IQCM: variants seen among roughly 807,000 people sequenced by gnomAD.
IQCM encodes the protein IQ domain-containing protein M.
A neutral mutation model predicts 57.6 loss-of-function variants in IQCM; 45 were observed. That is an observed-to-expected ratio of 0.78 (90% CI 0.62 to 1.00). The LOEUF is 1.00. IQCM is among the 50% of genes least tolerant of loss of function. The pLI, the probability that IQCM is intolerant of heterozygous loss-of-function variation, is 0.00. For synonymous variants in IQCM, 148 were observed against 158.9 expected (o/e 0.93, Z 0.51); for missense variants, 468 against 511.6 (o/e 0.91, Z 0.82).
rs183792183 is a variant in IQCM at position 149,777,050 on chromosome 4, A to G, written c.-48-34311T>C. Among the ~76,000 whole-genome samples the G allele has an allele frequency of 3.8e-3, 583 of 152,260 alleles. 1 individual carries two copies. Among genetic ancestry groups the G allele is most frequent in the Non-Finnish European group, 6.9e-3 (469 of 68,018 alleles). On this transcript the variant is annotated intron_variant, in intron 2 of 13. Coordinates refer to ENST00000636793, the MANE Select transcript of IQCM (RefSeq NM_001363507.2). ...GTTTTTATGTTCTTGAACAGAGTAT[A>G]TAACATCCCACCTCTAAAGTACCTG...
intron 2 of IQCM, among the ~76,000 whole-genome samples, chr4:149,774,627 T>A (rs951143666): frequency 1.3e-5 from 2 of 152,102 alleles, no homozygotes; most frequent in Non-Finnish European, 2.9e-5. Flanking sequence ...AGCCTCTGCA[T>A]ATATACCTGG....
At chr4:149,396,956 A>G (rs1249758942) in intron 13 of IQCM, among the ~76,000 whole-genome samples, 1 of 151,970 alleles carries the variant, frequency 6.6e-6, no homozygotes, top group Admixed American at 6.6e-5. Context: ...GTTGATGGAC[A>G]TTTAGGTTGT....
chr4:149,560,711 A>G (rs1750039224), intron 10 of IQCM, among the ~76,000 whole-genome samples: 1 of 152,214 alleles, frequency 6.6e-6, no homozygotes, highest in Non-Finnish European at 1.5e-5. Context: ...CACTATTTCC[A>G]AAGAATTTCA....
At chr4:149,583,620 T>G (rs1020133378) in intron 9 of IQCM, among the ~76,000 whole-genome samples, 1 of 151,616 alleles carries the variant, frequency 6.6e-6, no homozygotes, top group East Asian at 1.9e-4. Context: ...TGGAATGCAA[T>G]AGGTTATCTT....
intron 9 of IQCM, among the ~76,000 whole-genome samples, chr4:149,578,078 GA>G (rs1450699558): frequency 6.6e-6 from 1 of 151,740 alleles, no homozygotes; most frequent in Non-Finnish European, 1.5e-5. Context: ...TTTGTATCCT[GA>G]AACTTTGCTG....
chr4:149,551,890 TC>T (rs397995767), intron 11 of IQCM, among the ~76,000 whole-genome samples: 4 of 145,010 alleles, frequency 2.8e-5, no homozygotes, highest in Non-Finnish European at 6.1e-5. Flanking sequence ...TCTCTCTCTC[TC>T]TCTTCTCGTT....
intron 13 of IQCM, among the ~76,000 whole-genome samples, chr4:149,413,405 G>A (rs1733520523): frequency 6.6e-6 from 1 of 152,172 alleles, no homozygotes; most frequent in Admixed American, 6.6e-5. Flanking sequence ...TAAACCTGTA[G>A]CGGGGAGCAG....
At chr4:149,413,972 AT>A (rs1398595165) in intron 13 of IQCM, among the ~76,000 whole-genome samples, 1 of 152,220 alleles carries the variant, frequency 6.6e-6, no homozygotes, top group Non-Finnish European at 1.5e-5. Context: ...CAGTGAAGCC[AT>A]AACAAAGAAT....
In IQCM at chr4:149,592,832, C is replaced by G. The variant is rs1289071916; in HGVS notation, c.682-4835G>C. On this transcript the variant is annotated intron_variant, in intron 8 of 13. Transcript: ENST00000636793. ...TTGGTCTATATCTCTGTTTTGGTACCAGTACCATGCTGTTTTGGTTACTGT... is the reference window on the plus strand; with the variant it reads ...TTGGTCTATATCTCTGTTTTGGTACGAGTACCATGCTGTTTTGGTTACTGT... Among the ~76,000 whole-genome samples the G allele has an allele frequency of 2.6e-5, 4 of 152,154 alleles. No individual in the cohort carries two copies. In the South Asian group the frequency reaches 8.3e-4, roughly 32 times the overall value.
chr4:149,628,087 G>A (rs1756964403), intron 7 of IQCM, among the ~76,000 whole-genome samples: 1 of 152,094 alleles, frequency 6.6e-6, no homozygotes, highest in Admixed American at 6.6e-5. Context: ...ACAAATATAA[G>A]AAAAAATTGG....
chr4:149,604,577 T>C (rs771180092), intron 8 of IQCM, among the ~76,000 whole-genome samples: 2 of 152,222 alleles, frequency 1.3e-5, no homozygotes, highest in African/African-American at 4.8e-5. Flanking sequence ...CCCTGGCTAC[T>C]AGAACTTTCT....
intron 10 of IQCM, among the ~76,000 whole-genome samples, chr4:149,554,731 G>A (rs1291614454): frequency 1.3e-5 from 2 of 148,356 alleles, no homozygotes; most frequent in Non-Finnish European, 3.0e-5. Flanking sequence ...ACAGAGTGTC[G>A]CTCTGTCGCC....
intron 2 of IQCM, among the ~76,000 whole-genome samples, chr4:149,762,428 CAG>C (rs142857025): frequency 0.038 from 5,836 of 151,942 alleles, 369 homozygotes; most frequent in African/African-American, 0.13. Context: ...AAAAATGTGA[CAG>C]GGGAAATTCT....
intron 5 of IQCM, chr4:149,711,189 C>T (rs1039475861): frequency 2.0e-5 from 3 of 152,012 alleles, no homozygotes; most frequent in African/African-American, 4.8e-5. Context: ...TACTGAGATG[C>T]TAAGAAGAAA....
chr4:149,546,912 T>C (rs1748499658), intron 12 of IQCM, among the ~76,000 whole-genome samples: 1 of 152,194 alleles, frequency 6.6e-6, no homozygotes, highest in Admixed American at 6.5e-5. Context: ...ATGTCCTGAA[T>C]GGTATTGCCT....
intron 12 of IQCM, among the ~76,000 whole-genome samples, chr4:149,476,118 G>C (rs1740160257): frequency 6.6e-6 from 1 of 152,062 alleles, no homozygotes. Context: ...CTGTAGTAAT[G>C]GCCTTAAGAA....
intron 12 of IQCM, among the ~76,000 whole-genome samples, chr4:149,455,436 A>G (rs149119095): frequency 0.011 from 1,618 of 152,140 alleles, 19 homozygotes; most frequent in Non-Finnish European, 0.016. Context: ...GGTAGAACAT[A>G]TGACTGTTCA....
At chr4:149,750,181 T>C (rs1768298632) in intron 2 of IQCM, among the ~76,000 whole-genome samples, 1 of 152,186 alleles carries the variant, frequency 6.6e-6, no homozygotes, top group African/African-American at 2.4e-5. Context: ...AGGAAGACCA[T>C]AATTATCCAA....
intron 5 of IQCM, among the ~76,000 whole-genome samples, chr4:149,687,532 G>T (rs2149790728): frequency 6.6e-6 from 1 of 151,684 alleles, no homozygotes; most frequent in East Asian, 1.9e-4. Context: ...TACAGGAGAA[G>T]AAATTGATGC....
Sources: gnomAD v4.1 joint callset for allele counts (sites outside exome capture counted in the v4.1 genomes callset) on GRCh38, gnomAD v4.1.1 for gene constraint, MANE v1.5 for transcripts, NCBI Gene and HGNC (gene_info 2026-07-23, HGNC 2026-07-21) for gene names.